UBL7: variants seen among roughly 807,000 people sequenced by gnomAD.
The protein encoded by UBL7 is ubiquitin-like protein 7.
A neutral mutation model predicts 41.7 loss-of-function variants in UBL7; 21 were observed. The observed-to-expected ratio is 0.50, with a 90% CI of 0.36 to 0.73. UBL7 has a LOEUF of 0.73. Ranked by LOEUF, UBL7 falls within the 30% of genes least tolerant of loss-of-function variation. The pLI, the probability that UBL7 is intolerant of heterozygous loss-of-function variation, is 0.00. For missense variants in UBL7, 403 were observed against 478.4 expected (o/e 0.84, Z 1.47); for synonymous variants, 157 against 186.9 (o/e 0.84, Z 1.31).
rs984555534 is a variant in UBL7, at chr15:74,447,170, C to T, written c.1006-943G>A. ...TTCACGAATCCTGCTTCTGTTCCCT[C>T]ACTGTCTACAAGGACCACATGGAAC... On this transcript the variant is annotated intron_variant, in intron 10 of 10. Coordinates refer to ENST00000395081, the MANE Select transcript of UBL7 (RefSeq NM_032907.5). Among the ~76,000 whole-genome samples, 8 of 152,218 alleles carry T rather than the reference C, an allele frequency of 5.3e-5. No individual in the cohort carries two copies. The East Asian group carries it at 1.3e-3, about 26-fold the overall frequency.
chr15:74,448,243 T>C (rs1007433910), intron 10 of UBL7, among the ~76,000 whole-genome samples: 5 of 152,090 alleles, frequency 3.3e-5, no homozygotes, highest in Non-Finnish European at 7.4e-5. Flanking sequence ...CTAAGCCAGG[T>C]GGTCTAGGGA....
At position 74,452,474 on chromosome 15, in the gene UBL7, T is replaced by G. The variant is rs984301983; in HGVS notation, c.305-96A>C. 2.5e-5 allele frequency: 31 copies of G among 1,256,178 alleles called. No homozygotes were observed. The Middle Eastern group carries it at 5.5e-4, about 22-fold the overall frequency. 77.8% of individuals were successfully genotyped at this position (1,256,178 alleles called of 1,614,324 possible). On this transcript the variant is annotated intron_variant, in intron 3 of 10. Coordinates refer to ENST00000395081, the MANE Select transcript of UBL7 (RefSeq NM_032907.5). ...TTTCAGCATGTGCCAAGGAGCAGCC[T>G]GGTCTGTGCATTCCCTTCCCTCATC... is the stretch of plus-strand genomic sequence containing the variant.
chr15:74,449,245 C>T lies in UBL7; in HGVS notation c.823G>A (p.Ala275Thr). ...RPITQSELAT[A>T]LALASTPESS... ...TCCGGAGTGCTGGCCAGGGCCAAGGCGGTGGCCAGCTCACTCTGGGTGATG... is the reference window on the plus strand; with the variant it reads ...TCCGGAGTGCTGGCCAGGGCCAAGGTGGTGGCCAGCTCACTCTGGGTGATG... The change falls in exon 9 of 11, where the codon GCC becomes ACC. Residue 275 changes from alanine to threonine, a missense_variant. Ala to Thr is a moderately conservative substitution (Grantham distance 58). Transcript: ENST00000395081. 1 of 1,608,990 alleles carries T rather than the reference C, an allele frequency of 6.2e-7. No individual in the cohort carries two copies. The highest frequency in any genetic ancestry group is 8.5e-7 in the Non-Finnish European group (1 of 1,178,010).
chr15:74,449,635 G>A lies in UBL7; in HGVS notation c.705C>T (p.Asp235=). Residue 235 remains aspartate, a synonymous_variant, in exon 8 of 11, where the codon GAC becomes GAT. Transcript: ENST00000395081. The part of the protein sequence containing the change: ...LFEGLSDDED[D]FHPNTRSTPS... ...CAGGCAGGCCACTTACTGGGTGAAA[G>A]TCATCCTCATCATCTGAGAGCCCTT... The A allele has an allele frequency of 6.2e-7, 1 of 1,614,148 alleles. No homozygotes were observed. The highest frequency in any genetic ancestry group is 1.1e-5 in the South Asian group (1 of 91,078).
At chr15:74,450,620 G>A (rs1020693698) in intron 6 of UBL7, among the ~76,000 whole-genome samples, 182 bp downstream of exon 6, 6 of 152,130 alleles carry the variant, frequency 3.9e-5, no homozygotes, top group East Asian at 1.9e-4. Flanking sequence ...CTTCCTCCCA[G>A]CACTCTTGAC....
At chr15:74,456,037 G>A (rs1408981284) in intron 3 of UBL7, among the ~76,000 whole-genome samples, 1 of 151,446 alleles carries the variant, frequency 6.6e-6, no homozygotes, top group Non-Finnish European at 1.5e-5. Context: ...TGAGGCAGGA[G>A]AATGGTGTGA....
chr15:74,451,526 G>A lies in UBL7; in HGVS notation c.388-6C>T. ...TTGCTGAGCATCTTAAAGACCTGCA[G>A]GAGAAATGGCGGGGGCTGAGCACTC... On this transcript the variant is annotated splice_region_variant and splice_polypyrimidine_tract_variant and intron_variant, in intron 4 of 10. Coordinates refer to ENST00000395081, the MANE Select transcript of UBL7 (RefSeq NM_032907.5). 5 of 1,613,592 alleles carry A rather than the reference G, an allele frequency of 3.1e-6. No homozygotes were observed. Among genetic ancestry groups the A allele is most frequent in the Non-Finnish European group, 4.2e-6 (5 of 1,179,710 alleles).
chr15:74,451,634 A>G (rs949128238), intron 4 of UBL7, 114 bp from the exon 5 acceptor site: 1 of 690,180 alleles, frequency 1.4e-6, no homozygotes, highest in Non-Finnish European at 2.5e-6. Flanking sequence ...ACATCACCAC[A>G]ATGGAACAAT....
intron 3 of UBL7, among the ~76,000 whole-genome samples, chr15:74,455,088 TGTGA>T (rs1158953541): frequency 1.3e-5 from 2 of 152,240 alleles, no homozygotes; most frequent in African/African-American, 4.8e-5. Flanking sequence ...AGGGCCTGGC[TGTGA>T]GTGCCAGGCC....
At chr15:74,448,096 G>T (rs2061202898) in intron 10 of UBL7, among the ~76,000 whole-genome samples, 1 of 152,158 alleles carries the variant, frequency 6.6e-6, no homozygotes, top group African/African-American at 2.4e-5. Context: ...TTGCTCCCCA[G>T]CTCAGTGCCT....
Position 74,449,200 on chromosome 15 carries a change from T to A in UBL7, c.868A>T (p.Thr290Ser). 6.4e-7 allele frequency: 1 copy of A among 1,554,120 alleles called. No homozygotes were observed. The highest frequency in any genetic ancestry group is 8.7e-7 in the Non-Finnish European group (1 of 1,153,836). Reference sequence around the variant, plus strand: ...CGTCTTCATACCTGGGTGCCAGGAGTCGGTGTGTGAGAGCTGCTCTCCGGA... The same window carrying A: ...CGTCTTCATACCTGGGTGCCAGGAGACGGTGTGTGAGAGCTGCTCTCCGGA... ...STPESSSHTP[T>S]PGTQGHSSGT... The change falls in exon 9 of 11, where the codon ACT (threonine) becomes TCT (serine). Residue 290 changes from threonine to serine, a missense_variant. By Grantham distance (58) the Thr-to-Ser change is moderately conservative. Transcript: ENST00000395081.
intron 3 of UBL7, among the ~76,000 whole-genome samples, chr15:74,454,681 A>G (rs892311692): frequency 1.3e-5 from 2 of 152,184 alleles, no homozygotes; most frequent in Non-Finnish European, 2.9e-5. Flanking sequence ...TACAGGCGTA[A>G]GCTGCTGCAC....
intron 1 of UBL7, 163 bp from the exon 2 acceptor site, chr15:74,459,059 C>T (rs970515045): frequency 3.1e-6 from 2 of 644,462 alleles, no homozygotes; most frequent in Admixed American, 2.9e-5. Context: ...TCTCTCTCTA[C>T]TCATACTGTG....
chr15:74,447,938 G>A (rs1244685346), intron 10 of UBL7, among the ~76,000 whole-genome samples: 1 of 152,150 alleles, frequency 6.6e-6, no homozygotes, highest in Non-Finnish European at 1.5e-5. Context: ...GTCTTCACCT[G>A]GAAATCAGCC....
At chr15:74,452,007 A>T (rs2061250944) in intron 4 of UBL7, among the ~76,000 whole-genome samples, 1 of 152,200 alleles carries the variant, frequency 6.6e-6, no homozygotes, top group African/African-American at 2.4e-5. Flanking sequence ...CAGGCAGTTC[A>T]GCCAAAGTCG....
intron 4 of UBL7, 63 bp downstream of exon 4, chr15:74,452,233 C>T: frequency 6.6e-7 from 1 of 1,510,030 alleles, no homozygotes; most frequent in Non-Finnish European, 9.0e-7. Context: ...CTCCACACCA[C>T]TCGCCAGCCA....
intron 8 of UBL7, 136 bp from the exon 9 acceptor site, chr15:74,449,489 G>T (rs2061220173): frequency 1.3e-6 from 2 of 1,538,404 alleles, no homozygotes; most frequent in Non-Finnish European, 1.8e-6. Context: ...AGCAGAAATA[G>T]TATGACATGG....
intron 1 of UBL7, among the ~76,000 whole-genome samples, chr15:74,459,751 A>G (rs1258638285): frequency 6.6e-6 from 1 of 151,698 alleles, no homozygotes; most frequent in Non-Finnish European, 1.5e-5. Context: ...GGATTGCCTA[A>G]GCTCAAGAGT....
intron 10 of UBL7, among the ~76,000 whole-genome samples, chr15:74,447,158 C>T (rs1489875154): frequency 6.6e-6 from 1 of 152,218 alleles, no homozygotes; most frequent in Non-Finnish European, 1.5e-5. Context: ...ACGAATCCTG[C>T]TTCTGTTCCC....
Sources: allele counts gnomAD v4.1 joint callset (sites outside exome capture counted in the v4.1 genomes callset), GRCh38; gene constraint gnomAD v4.1.1; transcripts MANE v1.5; gene names NCBI Gene and HGNC (gene_info 2026-07-23, HGNC 2026-07-21).